Variants in GPHN observed in about 807,000 individuals in gnomAD.
GPHN encodes the protein gephyrin.
GPHN carries 17 observed loss-of-function variants against 95.5 expected under a neutral mutation model. The observed-to-expected ratio is 0.18, with a 90% CI of 0.12 to 0.27. The LOEUF is 0.27. Ranked by LOEUF, GPHN falls within the 10% of genes least tolerant of loss-of-function variation. GPHN has a pLI of 1.00. For synonymous variants in GPHN, 320 were observed against 322.5 expected (o/e 0.99, Z 0.08); for missense variants, 660 against 978.1 (o/e 0.67, Z 4.34).
At chr14:67,697,029 C>T in the GPHN span, among the ~76,000 whole-genome samples, 277 of 152,268 alleles carry the variant, frequency 1.8e-3, 2 homozygotes, top group Admixed American at 4.5e-3. Context: ...GGTTTTATAA[C>T]TTTATAAAAG....
rs530481977 is a variant in GPHN, at chr14:66,740,983, G to A, written c.144-35481G>A. Among the ~76,000 whole-genome samples the A allele has an allele frequency of 3.6e-4, 55 of 152,278 alleles. 1 individual carries two copies. In the South Asian group the frequency reaches 8.3e-3, roughly 23 times the overall value. ...AGCATCTGGTGAGGGCCTTCTTGTG[G>A]CATCTCATGGCAGAAGGAAGAAGGG... On this transcript the variant is annotated intron_variant, in intron 2 of 22. Coordinates refer to ENST00000478722, the MANE Select transcript of GPHN (RefSeq NM_020806.5).
chr14:67,049,661 C>T (rs545069619), intron 10 of GPHN, among the ~76,000 whole-genome samples: 5 of 151,890 alleles, frequency 3.3e-5, no homozygotes, highest in Admixed American at 6.6e-5. Flanking sequence ...TACAGGCATG[C>T]GCCACCACGA....
chr14:67,576,043 A>C, the GPHN span: 2 of 1,484,480 alleles, frequency 1.3e-6, no homozygotes, highest in Non-Finnish European at 1.8e-6. This position sits in a 1 kb window ranked among gnomAD's most constrained non-coding sequence, Gnocchi z 4.0. Flanking sequence ...CCAAGCTTGG[A>C]CCTGTGATTC....
intron 1 of GPHN, among the ~76,000 whole-genome samples, chr14:66,561,876 G>T (rs1262510009): frequency 6.6e-6 from 1 of 152,098 alleles, no homozygotes; most frequent in Non-Finnish European, 1.5e-5. Flanking sequence ...GGGGCTCGCA[G>T]GGAGAATCCA....
At chr14:67,590,552 T>G in the GPHN span, among the ~76,000 whole-genome samples, 1 of 152,244 alleles carries the variant, frequency 6.6e-6, no homozygotes, top group South Asian at 2.1e-4. Flanking sequence ...AGAGACAGGG[T>G]TTCACCATGT....
the GPHN span, chr14:67,200,206 A>G: frequency 9.0e-7 from 1 of 1,113,658 alleles, no homozygotes. Context: ...GATGCCCCCC[A>G]TGGATACACT....
chr14:66,529,696 G>T (rs943296925), intron 1 of GPHN, among the ~76,000 whole-genome samples: 2 of 152,130 alleles, frequency 1.3e-5, no homozygotes, highest in African/African-American at 4.8e-5. Context: ...CTTTCTGTTT[G>T]TTAGTTTTCC....
chr14:67,201,806 G>C, the GPHN span: 2 of 264,072 alleles, frequency 7.6e-6, no homozygotes, highest in Non-Finnish European at 1.5e-5. Flanking sequence ...TTTTTTAATT[G>C]AACCAATTAT....
At chr14:67,526,825 T>C in the GPHN span, among the ~76,000 whole-genome samples, 1 of 151,786 alleles carries the variant, frequency 6.6e-6, no homozygotes, top group Non-Finnish European at 1.5e-5. Context: ...GCTTCCATAC[T>C]GAGGGCAGGT....
chr14:67,243,739 G>T, the GPHN span, among the ~76,000 whole-genome samples: 2 of 149,808 alleles, frequency 1.3e-5, no homozygotes, highest in African/African-American at 2.5e-5. Context: ...CTCGTGATCC[G>T]CCCGCCTCGC....
chr14:67,594,659 A>G, the GPHN span, among the ~76,000 whole-genome samples: 2 of 151,836 alleles, frequency 1.3e-5, no homozygotes, highest in East Asian at 3.9e-4. Flanking sequence ...AAAAAAAAAA[A>G]GGACCCCAAA....
chr14:66,537,275 C>T (rs959575824), intron 1 of GPHN, among the ~76,000 whole-genome samples: 3 of 151,976 alleles, frequency 2.0e-5, no homozygotes, highest in African/African-American at 2.4e-5. Flanking sequence ...AATCTTTTAT[C>T]TTACTGTTTC....
intron 1 of GPHN, among the ~76,000 whole-genome samples, chr14:66,645,921 T>A (rs1390297902): frequency 3.9e-5 from 6 of 152,036 alleles, no homozygotes; most frequent in Non-Finnish European, 7.4e-5. Flanking sequence ...TCTACAAATA[T>A]GCCATATAAT....
At chr14:67,399,679 T>G in the GPHN span, among the ~76,000 whole-genome samples, 1 of 147,552 alleles carries the variant, frequency 6.8e-6, no homozygotes, top group Non-Finnish European at 1.5e-5. Context: ...GAAGGGTGGT[T>G]TAGGTGGGTC....
intron 10 of GPHN, among the ~76,000 whole-genome samples, chr14:67,034,643 CAT>C (rs1182671594): frequency 3.3e-5 from 5 of 152,040 alleles, no homozygotes; most frequent in Admixed American, 2.6e-4. Context: ...CAGTGGTGGC[CAT>C]AGTTATATCA....
the GPHN span, among the ~76,000 whole-genome samples, chr14:67,657,606 ACACACACACACACACACC>A: frequency 4.6e-5 from 7 of 150,622 alleles, no homozygotes; most frequent in East Asian, 1.2e-3. Flanking sequence ...GTGCACACAC[ACACACACACACACACACC>A]CAAAATCAAA....
the GPHN span, among the ~76,000 whole-genome samples, chr14:67,311,790 C>T: frequency 3.2e-4 from 48 of 152,096 alleles, no homozygotes; most frequent in African/African-American, 1.2e-3. Flanking sequence ...TAACTTGTAC[C>T]GTTAATAATA....
chr14:66,856,721 G>T lies in GPHN; in HGVS notation c.295-23218G>T, dbSNP rs139850788. ...ATATGTAGAAATATTGAAATAATAT[G>T]CAAAAACTTGATACAGCATCAAGTT... is the stretch of plus-strand genomic sequence containing the variant. On this transcript the variant is annotated intron_variant, in intron 4 of 22. Transcript: ENST00000478722. 3.9e-3 allele frequency among the ~76,000 whole-genome samples: 594 copies of T among 152,114 alleles called. 5 individuals carry two copies. Among genetic ancestry groups the T allele is most frequent in the African/African-American group, 0.014 (572 of 41,524 alleles).
intron 1 of GPHN, among the ~76,000 whole-genome samples, chr14:66,620,193 G>A (rs1330667124): frequency 6.6e-6 from 1 of 152,172 alleles, no homozygotes; most frequent in East Asian, 1.9e-4. Flanking sequence ...TAAGTCCTGT[G>A]CCTCTACTCA....
Sources: gnomAD v4.1 joint callset for allele counts (sites outside exome capture counted in the v4.1 genomes callset) on GRCh38, gnomAD v4.1.1 for gene constraint, Gnocchi (gnomAD v3.1) non-coding constraint, MANE v1.5 for transcripts, NCBI Gene and HGNC (gene_info 2026-07-23, HGNC 2026-07-21) for gene names.